The following TRAPPC9 variants were observed in gnomAD, a reference collection of about 807,000 sequenced individuals.
TRAPPC9 encodes IKK2 binding protein.
TRAPPC9 carries 83 observed loss-of-function variants against 124.0 expected under a neutral mutation model. The ratio of observed to expected loss-of-function variants is 0.67; its 90% CI spans 0.56 to 0.80. The LOEUF is 0.80. Ranked by LOEUF, TRAPPC9 falls within the 30% of genes least tolerant of loss-of-function variation. The pLI is 0.00. For missense variants in TRAPPC9, 1,302 were observed against 1,508.3 expected (o/e 0.86, Z 2.27); for synonymous variants, 638 against 617.5 (o/e 1.03, Z -0.49).
At chr8:139,809,243 C>T (rs1563830991) in intron 21 of TRAPPC9, among the ~76,000 whole-genome samples, 1 of 152,254 alleles carries the variant, frequency 6.6e-6, no homozygotes, top group South Asian at 2.1e-4. Flanking sequence ...ACTGACTTCA[C>T]AGTACAGTCC....
At chr8:139,877,771 G>A (rs1829416876) in intron 21 of TRAPPC9, among the ~76,000 whole-genome samples, 1 of 152,198 alleles carries the variant, frequency 6.6e-6, no homozygotes, top group South Asian at 2.1e-4. Context: ...CATGCTCTCT[G>A]CTGGGCTCCT....
chr8:140,458,206 A>G (rs2132760939), upstream of TRAPPC9: 1 of 1,550,196 alleles, frequency 6.5e-7, no homozygotes, highest in South Asian at 1.2e-5. Context: ...GCAAGAGAAC[A>G]GAGACTAGGA....
chr8:139,776,193 C>G lies in TRAPPC9; in HGVS notation c.3056-43991G>C, dbSNP rs1263674392. On this transcript the variant is annotated intron_variant, in intron 21 of 22. Coordinates refer to ENST00000438773, the MANE Select transcript of TRAPPC9 (RefSeq NM_001160372.4). This position sits in a 1 kb window ranked among gnomAD's most constrained non-coding sequence, Gnocchi z 4.1. Reference sequence around the variant, plus strand: ...CAGCCTCAGTCTCTGGGCTCCCCGACAGGGTTCCTTCCATCCTGCAGGCCT... The same window carrying G: ...CAGCCTCAGTCTCTGGGCTCCCCGAGAGGGTTCCTTCCATCCTGCAGGCCT... Among the ~76,000 whole-genome samples the G allele has an allele frequency of 6.6e-6, 1 of 152,238 alleles. No homozygotes were observed. The highest frequency in any genetic ancestry group is 2.4e-5 in the African/African-American group (1 of 41,462).
chr8:140,389,226 G>A (rs1563991970), intron 7 of TRAPPC9, among the ~76,000 whole-genome samples: 1 of 152,124 alleles, frequency 6.6e-6, no homozygotes, highest in Non-Finnish European at 1.5e-5. Flanking sequence ...CAAAGTGCTG[G>A]GACTACAGGC....
chr8:140,294,698 C>G (rs2065756913), intron 11 of TRAPPC9, among the ~76,000 whole-genome samples: 1 of 149,026 alleles, frequency 6.7e-6, no homozygotes, highest in Non-Finnish European at 1.5e-5. Context: ...ACTTCCACTT[C>G]CCGGGTTCAA....
chr8:140,185,838 C>T (rs183034064), intron 17 of TRAPPC9, among the ~76,000 whole-genome samples: 2 of 152,270 alleles, frequency 1.3e-5, no homozygotes, highest in East Asian at 1.9e-4. Context: ...TTAGGAAGTG[C>T]TTAAGTAGCT....
chr8:140,287,825 A>G, intron 12 of TRAPPC9, 91 bp from the exon 13 acceptor site: 4 of 1,556,190 alleles, frequency 2.6e-6, no homozygotes, highest in Admixed American at 1.7e-5. Flanking sequence ...GCTATGGCAC[A>G]TCGGAACTGC....
At chr8:139,847,709 G>A (rs936586722) in intron 21 of TRAPPC9, among the ~76,000 whole-genome samples, 10 of 151,964 alleles carry the variant, frequency 6.6e-5, no homozygotes, top group Non-Finnish European at 1.2e-4. Context: ...CCTGTGGATG[G>A]GCATGAGCAC....
intron 14 of TRAPPC9, among the ~76,000 whole-genome samples, chr8:140,276,452 T>C (rs1410334439): frequency 2.6e-5 from 4 of 152,138 alleles, no homozygotes; most frequent in Non-Finnish European, 5.9e-5. Context: ...GGCCCTGGAC[T>C]ACGGGACAGG....
chr8:140,079,018 G>GT, intron 17 of TRAPPC9, among the ~76,000 whole-genome samples: 1 of 152,246 alleles, frequency 6.6e-6, no homozygotes, highest in South Asian at 2.1e-4. Context: ...CCAGTGGGAG[G>GT]TAACTGAATC....
At chr8:140,141,313 T>C (rs1163372988) in intron 17 of TRAPPC9, among the ~76,000 whole-genome samples, 1 of 152,194 alleles carries the variant, frequency 6.6e-6, no homozygotes, top group Non-Finnish European at 1.5e-5. Context: ...ACCGCCCTGC[T>C]CTCTCCCTCC....
intron 10 of TRAPPC9, among the ~76,000 whole-genome samples, chr8:140,309,659 T>C (rs1312227439): frequency 6.6e-6 from 1 of 152,284 alleles, no homozygotes; most frequent in Non-Finnish European, 1.5e-5. Flanking sequence ...AAGGCTTTTC[T>C]AGACCTTAAT....
intron 17 of TRAPPC9, among the ~76,000 whole-genome samples, chr8:140,078,904 A>G (rs1402474449): frequency 6.6e-6 from 1 of 152,164 alleles, no homozygotes; most frequent in African/African-American, 2.4e-5. Flanking sequence ...CTCTCCAGCA[A>G]CTGTACAGCT....
chr8:140,138,547 A>T (rs1221914666), intron 17 of TRAPPC9, among the ~76,000 whole-genome samples: 1 of 151,880 alleles, frequency 6.6e-6, no homozygotes, highest in East Asian at 1.9e-4. Context: ...CGGTCCCTCT[A>T]TGTGCTTGCT....
chr8:140,033,933 C>T (rs890642181), intron 17 of TRAPPC9, among the ~76,000 whole-genome samples: 15 of 152,064 alleles, frequency 9.9e-5, no homozygotes, highest in African/African-American at 2.7e-4. Flanking sequence ...CCACCTGCCT[C>T]GGCTTCCCAA....
At chr8:139,903,083 G>A (rs1449206503) in intron 20 of TRAPPC9, among the ~76,000 whole-genome samples, 1 of 152,146 alleles carries the variant, frequency 6.6e-6, no homozygotes, top group Non-Finnish European at 1.5e-5. Context: ...CTGTGCCTGG[G>A]CTCCCTGTGC....
intron 8 of TRAPPC9, among the ~76,000 whole-genome samples, chr8:140,369,894 G>C (rs1386878494): frequency 6.6e-6 from 1 of 152,130 alleles, no homozygotes; most frequent in Non-Finnish European, 1.5e-5. Context: ...GGAGGCTGCA[G>C]TGAGCCAAGA....
At chr8:140,441,318 T>C (rs1231637727) in intron 2 of TRAPPC9, among the ~76,000 whole-genome samples, 1 of 152,090 alleles carries the variant, frequency 6.6e-6, no homozygotes, top group African/African-American at 2.4e-5. Context: ...ACTTCCTTGG[T>C]ATGTTATCCT....
In TRAPPC9 at chr8:140,293,740, A is replaced by G. The variant is rs528663682; in HGVS notation, c.1769-2662T>C. On this transcript the variant is annotated intron_variant, in intron 11 of 22. Coordinates refer to ENST00000438773, the MANE Select transcript of TRAPPC9 (RefSeq NM_001160372.4). Reference sequence around the variant, plus strand: ...TGGGGTGGGGAGACGGGGGAGGGATAGCATTAGGAGATATACCTAATGCTA... The same window carrying G: ...TGGGGTGGGGAGACGGGGGAGGGATGGCATTAGGAGATATACCTAATGCTA... Among the ~76,000 whole-genome samples, 4 of 152,272 alleles carry G rather than the reference A, an allele frequency of 2.6e-5. No homozygotes were observed. In the East Asian group the frequency reaches 7.7e-4, roughly 29 times the overall value.
Sources: gnomAD v4.1 joint callset for allele counts (sites outside exome capture counted in the v4.1 genomes callset) on GRCh38, gnomAD v4.1.1 for gene constraint, Gnocchi (gnomAD v3.1) non-coding constraint, MANE v1.5 for transcripts, NCBI Gene and HGNC (gene_info 2026-07-23, HGNC 2026-07-21) for gene names.